Variants in USP15 observed in about 807,000 individuals in gnomAD.
USP15 encodes ubiquitin specific peptidase 15.
Under a neutral mutation model 127.1 loss-of-function variants are expected in USP15, and 18 were observed. That is an observed-to-expected ratio of 0.14 (90% CI 0.10 to 0.21). The LOEUF (loss-of-function observed/expected upper bound fraction) is 0.21, where lower values mean the gene tolerates loss of function less well. Ranked by LOEUF, USP15 falls within the 10% of genes least tolerant of loss-of-function variation. The probability of loss-of-function intolerance (pLI) is 1.00; values close to 1 mark genes in which losing one functional copy is unlikely to be tolerated. For synonymous variants in USP15, 364 were observed against 393.7 expected (o/e 0.92, Z 0.89); for missense variants, 805 against 1,159.9 (o/e 0.69, Z 4.44).
chr12:62,329,614 G>A, intron 6 of USP15, among the ~76,000 whole-genome samples: 1 of 151,750 alleles, frequency 6.6e-6, no homozygotes. Flanking sequence ...AAGAACAATA[G>A]CTTTTAAAAA....
chr12:62,304,542 C>A, intron 3 of USP15: 1 of 261,692 alleles, frequency 3.8e-6, no homozygotes, highest in Non-Finnish European at 7.9e-6. Context: ...TGTCTGAAGC[C>A]CAACTTTCAA....
In USP15 at chr12:62,386,957, A is replaced by T. The variant is rs960165266; in HGVS notation, c.1474-2474A>T. Among the ~76,000 whole-genome samples, 4 of 152,198 alleles carry T rather than the reference A, an allele frequency of 2.6e-5. No homozygotes were observed. In the East Asian group the frequency reaches 7.7e-4, roughly 29 times the overall value. On this transcript the variant is annotated intron_variant, in intron 11 of 21. Transcript: ENST00000280377. ...ATGTAGGAAGTGAAAATGTGTAAGTATATTCAAAGATGATGCCAAGTTTAC... is the reference window on the plus strand; with the variant it reads ...ATGTAGGAAGTGAAAATGTGTAAGTTTATTCAAAGATGATGCCAAGTTTAC...
At chr12:62,264,531 A>G (rs1043754803) in intron 1 of USP15, among the ~76,000 whole-genome samples, 5 of 152,220 alleles carry the variant, frequency 3.3e-5, no homozygotes, top group African/African-American at 1.2e-4. Context: ...TTACAGAGTA[A>G]GTAATTTGTG....
In USP15 at chr12:62,409,361, A is replaced by T. The variant is rs1173366584; in HGVS notation, c.*4986A>T. The T allele has an allele frequency of 1.3e-5, 2 of 151,664 alleles. No individual in the cohort carries two copies. The highest frequency in any genetic ancestry group is 2.9e-5 in the Non-Finnish European group (2 of 67,830). The allele number at this position is 151,664 out of a possible 1,614,324, so 9.4% of individuals were successfully genotyped here. A position where few individuals can be genotyped will look rare whatever the true frequency, so the allele number is the denominator to read the frequency against. On this transcript the variant is annotated 3_prime_UTR_variant, in exon 22 of 22. Coordinates refer to ENST00000280377, the MANE Select transcript of USP15 (RefSeq NM_001252078.2). ...GAAAATCAGTCAAATGGGTTTTGATATTTTTTTTTCCTAGAAATGTGTAGC... is the reference window on the plus strand; with the variant it reads ...GAAAATCAGTCAAATGGGTTTTGATTTTTTTTTTTCCTAGAAATGTGTAGC...
In USP15 at chr12:62,404,476, A is replaced by T; in HGVS notation, c.*101A>T. On this transcript the variant is annotated 3_prime_UTR_variant, in exon 22 of 22. Transcript: ENST00000280377. ...ATTAAAACAAAAGTCTGAGATGGGG[A>T]GTTTCAGATAACCGAATGTAAATCC... 3.6e-6 allele frequency: 5 copies of T among 1,391,816 alleles called. No individual in the cohort carries two copies. The highest frequency in any genetic ancestry group is 4.7e-6 in the Non-Finnish European group (5 of 1,061,816). 86.2% of individuals were successfully genotyped at this position (1,391,816 alleles called of 1,614,324 possible). A position where few individuals can be genotyped will look rare whatever the true frequency, so the allele number is the denominator to read the frequency against.
At chr12:62,337,094 T>C (rs1405352707) in intron 6 of USP15, among the ~76,000 whole-genome samples, 2 of 152,240 alleles carry the variant, frequency 1.3e-5, no homozygotes, top group African/African-American at 2.4e-5. Context: ...ACCTATCTTA[T>C]GAGAAACGCC....
chr12:62,381,039 A>G (rs1466382473), intron 8 of USP15, among the ~76,000 whole-genome samples: 1 of 152,084 alleles, frequency 6.6e-6, no homozygotes, highest in Middle Eastern at 3.2e-3. Context: ...CTCTTTCATG[A>G]TAAATAATTG....
At chr12:62,387,711 T>C (rs1456606710) in intron 11 of USP15, among the ~76,000 whole-genome samples, 2 of 151,978 alleles carry the variant, frequency 1.3e-5, no homozygotes, top group South Asian at 2.1e-4. Context: ...TATGATAATA[T>C]AGATATCATT....
Position 62,403,801 on chromosome 12 carries a change from A to G in USP15, c.2764-392A>G, listed in dbSNP as rs1387416361. 2.0e-5 allele frequency among the ~76,000 whole-genome samples: 3 copies of G among 151,978 alleles called. No homozygotes were observed. In the East Asian group the frequency reaches 5.8e-4, roughly 29 times the overall value. On this transcript the variant is annotated intron_variant, in intron 21 of 21. Transcript: ENST00000280377. ...TCCTTAAGATGGTAGGAAAAGTTGGACTCTACAGCAAACATGGGATGAAGT... is the reference window on the plus strand; with the variant it reads ...TCCTTAAGATGGTAGGAAAAGTTGGGCTCTACAGCAAACATGGGATGAAGT...
intron 6 of USP15, among the ~76,000 whole-genome samples, chr12:62,343,201 T>C (rs1028840170): frequency 6.6e-6 from 1 of 152,116 alleles, no homozygotes; most frequent in African/African-American, 2.4e-5. Flanking sequence ...CCTCCCAGTC[T>C]CCATAGCACT....
At chr12:62,388,152 A>G (rs1348486201) in intron 11 of USP15, among the ~76,000 whole-genome samples, 1 of 130,812 alleles carries the variant, frequency 7.6e-6, no homozygotes, top group Non-Finnish European at 1.6e-5. Flanking sequence ...TGTTAATGAG[A>G]CAGGGTCTTG....
intron 6 of USP15, among the ~76,000 whole-genome samples, chr12:62,345,265 A>G (rs1045143001): frequency 1.3e-5 from 2 of 152,152 alleles, no homozygotes; most frequent in East Asian, 1.9e-4. Context: ...TCCCAAGTTC[A>G]AAGTTCCACA....
intron 8 of USP15, among the ~76,000 whole-genome samples, chr12:62,373,229 C>T (rs1444946725): frequency 1.3e-5 from 2 of 152,010 alleles, no homozygotes; most frequent in Non-Finnish European, 2.9e-5. Flanking sequence ...AATTTACTCA[C>T]TGCAAGTAAT....
At chr12:62,272,195 TAA>T (rs1025012477) in intron 1 of USP15, among the ~76,000 whole-genome samples, 8 of 151,882 alleles carry the variant, frequency 5.3e-5, no homozygotes, top group African/African-American at 1.7e-4. Flanking sequence ...GAATTAGTCA[TAA>T]GAGTGAATTA....
chr12:62,291,269 A>G (rs1295086947), intron 1 of USP15, among the ~76,000 whole-genome samples: 2 of 152,046 alleles, frequency 1.3e-5, no homozygotes, highest in Non-Finnish European at 1.5e-5. Flanking sequence ...TTCATCTTTA[A>G]CATTCTTTTT....
intron 8 of USP15, among the ~76,000 whole-genome samples, chr12:62,367,210 G>A (rs2066506378): frequency 1.3e-5 from 2 of 151,740 alleles, no homozygotes; most frequent in Admixed American, 6.6e-5. Flanking sequence ...CTTGATTTCG[G>A]AGTTGTTTTT....
At chr12:62,367,491 A>T (rs1275954873) in intron 8 of USP15, among the ~76,000 whole-genome samples, 1 of 151,992 alleles carries the variant, frequency 6.6e-6, no homozygotes, top group Non-Finnish European at 1.5e-5. Flanking sequence ...CCTCCCAAAG[A>T]AATTTCAGAC....
chr12:62,263,901 T>C (rs571514765), intron 1 of USP15, among the ~76,000 whole-genome samples: 2 of 152,330 alleles, frequency 1.3e-5, no homozygotes, highest in Admixed American at 6.5e-5. Context: ...GATAATTTGC[T>C]TAAGGTACAT....
intron 9 of USP15, among the ~76,000 whole-genome samples, chr12:62,382,481 G>T (rs2067020841): frequency 1.3e-5 from 2 of 151,990 alleles, no homozygotes; most frequent in South Asian, 4.1e-4. Flanking sequence ...AAATCAAAAT[G>T]CCTCTGTATT....
Sources: allele counts gnomAD v4.1 joint callset (sites outside exome capture counted in the v4.1 genomes callset), GRCh38; gene constraint gnomAD v4.1.1; transcripts MANE v1.5; gene names NCBI Gene and HGNC (gene_info 2026-07-23, HGNC 2026-07-21).